CLPB: variants seen among roughly 807,000 people sequenced by gnomAD.
CLPB encodes mitochondrial disaggregase.
CLPB carries 40 observed loss-of-function variants against 78.4 expected under a neutral mutation model. That is an observed-to-expected ratio of 0.51 (90% confidence interval 0.40 to 0.66). The LOEUF (loss-of-function observed/expected upper bound fraction) is 0.66, where lower values mean the gene tolerates loss of function less well. CLPB is among the 30% of genes least tolerant of loss of function. The pLI, the probability that CLPB is intolerant of heterozygous loss-of-function variation, is 0.00. For synonymous variants in CLPB, 333 were observed against 348.0 expected (o/e 0.96, Z 0.48); for missense variants, 780 against 886.9 (o/e 0.88, Z 1.53).
At chr11:72,390,954 C>T (rs1855237089) in intron 3 of CLPB, among the ~76,000 whole-genome samples, 1 of 152,190 alleles carries the variant, frequency 6.6e-6, no homozygotes, top group African/African-American at 2.4e-5. Flanking sequence ...GTGGTAGTCA[C>T]ACACTATGAA....
At chr11:72,345,186 A>G (rs796098001) in intron 5 of CLPB, among the ~76,000 whole-genome samples, 8 of 152,338 alleles carry the variant, frequency 5.3e-5, no homozygotes, top group African/African-American at 1.9e-4. Context: ...CTAAGACTTT[A>G]CTGTAAAGGC....
At chr11:72,359,082 G>A in intron 4 of CLPB, 74 bp from the exon 5 acceptor site, 1 of 1,605,242 alleles carries the variant, frequency 6.2e-7, no homozygotes, top group South Asian at 1.1e-5. Flanking sequence ...GTTTTCTAGT[G>A]GCATTTTAAT....
chr11:72,326,843 T>G (rs547673058), intron 6 of CLPB, among the ~76,000 whole-genome samples: 1 of 152,348 alleles, frequency 6.6e-6, no homozygotes, highest in Non-Finnish European at 1.5e-5. Flanking sequence ...GGAAGCTTTT[T>G]GCAGTTTGGA....
At chr11:72,415,559 C>T (rs1302738810) in intron 2 of CLPB, among the ~76,000 whole-genome samples, 2 of 152,348 alleles carry the variant, frequency 1.3e-5, no homozygotes, top group South Asian at 2.1e-4. Context: ...AGTCTCCATA[C>T]CACCACCACT....
At position 72,302,786 on chromosome 11, in the gene CLPB, C is replaced by T. The variant is rs149095866; in HGVS notation, c.1123-438G>A. 154 of 186,770 alleles carry T rather than the reference C, an allele frequency of 8.2e-4. 2 individuals carry two copies. In the East Asian group the frequency reaches 0.019, roughly 23 times the overall value. 11.6% of individuals were successfully genotyped at this position (186,770 alleles called of 1,614,324 possible). The stretch of plus-strand genomic sequence containing the variant: ...GTGCAGACATGGACAAAGTCAGTCA[C>T]GATCAGTGTGGACTGTGGTGCGAGG... On this transcript the variant is annotated intron_variant, in intron 9 of 15. Transcript: ENST00000538039.
intron 3 of CLPB, among the ~76,000 whole-genome samples, chr11:72,386,294 T>C (rs1416779860): frequency 6.6e-6 from 1 of 152,174 alleles, no homozygotes; most frequent in East Asian, 1.9e-4. Context: ...AAATCCCTTA[T>C]TAAGGTCCTT....
intron 3 of CLPB, among the ~76,000 whole-genome samples, chr11:72,393,582 T>C (rs1286221232): frequency 6.6e-6 from 1 of 152,160 alleles, no homozygotes; most frequent in Non-Finnish European, 1.5e-5. Flanking sequence ...ACTACCATAG[T>C]ATACATAAGT....
At chr11:72,336,541 C>T (rs1950325719) in intron 5 of CLPB, 1 of 152,226 alleles carries the variant, frequency 6.6e-6, no homozygotes, top group Admixed American at 6.5e-5. Context: ...ATTAGATTAA[C>T]AAGTTCAAAA....
chr11:72,296,130 G>C (rs1021959396), intron 11 of CLPB, among the ~76,000 whole-genome samples: 4 of 152,226 alleles, frequency 2.6e-5, no homozygotes, highest in African/African-American at 9.6e-5. Context: ...GGGAAGCCCA[G>C]CATGCTGCAG....
At chr11:72,309,557 TCTC>T in intron 7 of CLPB, among the ~76,000 whole-genome samples, 1 of 152,150 alleles carries the variant, frequency 6.6e-6, no homozygotes, top group East Asian at 1.9e-4. Flanking sequence ...AAAGTAGTAT[TCTC>T]AACTCCATTA....
rs138452896 is a variant in CLPB at position 72,425,333 on chromosome 11, T to G, written c.455+4979A>C. Among the ~76,000 whole-genome samples the G allele has an allele frequency of 3.3e-3, 501 of 152,316 alleles. 5 individuals are homozygous for G. The highest frequency in any genetic ancestry group is 0.011 in the African/African-American group (465 of 41,558). On this transcript the variant is annotated intron_variant, in intron 2 of 15. Coordinates refer to ENST00000538039, the MANE Select transcript of CLPB (RefSeq NM_001258392.3). ...TAACTGCCACATTCAGCCCAATGCCTAGCTCTGAATATGCACTCGTAAGTA... is the reference window on the plus strand; with the variant it reads ...TAACTGCCACATTCAGCCCAATGCCGAGCTCTGAATATGCACTCGTAAGTA...
At chr11:72,329,179 T>TG (rs1232372738) in intron 6 of CLPB, among the ~76,000 whole-genome samples, 1 of 152,172 alleles carries the variant, frequency 6.6e-6, no homozygotes, top group African/African-American at 2.4e-5. Flanking sequence ...AAAGTTTGGT[T>TG]GGGAAAACAG....
At chr11:72,293,898 C>G (rs1949497630) in intron 15 of CLPB, 124 bp downstream of exon 15, 1 of 854,250 alleles carries the variant, frequency 1.2e-6, no homozygotes, top group Admixed American at 2.3e-5. Flanking sequence ...TGGGCATCCA[C>G]TCTGGGTGTG....
At position 72,367,700 on chromosome 11, in the gene CLPB, C is replaced by T. The variant is rs540313895; in HGVS notation, c.647-8692G>A. ...ATGGGATCAATTATACACCACACCC[C>T]AGCATCATGCAATATACCCAGGTAA... On this transcript the variant is annotated intron_variant, in intron 4 of 15. Transcript: ENST00000538039. Among the ~76,000 whole-genome samples the T allele has an allele frequency of 4.6e-5, 7 of 151,936 alleles. No individual in the cohort carries two copies. The South Asian group carries it at 1.5e-3, about 32-fold the overall frequency.
chr11:72,368,217 C>G (rs1950979403), intron 4 of CLPB, among the ~76,000 whole-genome samples: 1 of 152,122 alleles, frequency 6.6e-6, no homozygotes, highest in Non-Finnish European at 1.5e-5. Flanking sequence ...GAGTTTTCCT[C>G]CAATACTCAG....
At chr11:72,412,262 G>A (rs1855900340) in intron 2 of CLPB, among the ~76,000 whole-genome samples, 1 of 152,194 alleles carries the variant, frequency 6.6e-6, no homozygotes, top group East Asian at 1.9e-4. Flanking sequence ...CTTCCGTGAG[G>A]AAGCTCTCCA....
At chr11:72,301,503 TG>T (rs994762783) in intron 11 of CLPB, among the ~76,000 whole-genome samples, 4 of 152,280 alleles carry the variant, frequency 2.6e-5, no homozygotes, top group South Asian at 2.1e-4. Flanking sequence ...GGAGCAGAGC[TG>T]GAACTAAAAA....
chr11:72,403,907 C>T (rs1011070605), intron 2 of CLPB, among the ~76,000 whole-genome samples: 14 of 152,300 alleles, frequency 9.2e-5, no homozygotes, highest in African/African-American at 3.4e-4. Flanking sequence ...CTTCTACAAG[C>T]AGGAACTACC....
chr11:72,434,015 C>G (rs1856626968), intron 1 of CLPB, 57 bp downstream of exon 1: 2 of 1,568,456 alleles, frequency 1.3e-6, no homozygotes, highest in South Asian at 2.3e-5. Flanking sequence ...TCCTAAGATA[C>G]GAAGTTAGGA....
Sources: allele counts gnomAD v4.1 joint callset (sites outside exome capture counted in the v4.1 genomes callset), GRCh38; gene constraint gnomAD v4.1.1; transcripts MANE v1.5; gene names NCBI Gene and HGNC (gene_info 2026-07-23, HGNC 2026-07-21).